Variants in TMEM134 observed in about 807,000 individuals in gnomAD.
TMEM134 encodes the protein transmembrane protein 134.
Under a neutral mutation model 26.2 loss-of-function variants are expected in TMEM134, and 36 were observed. That is an observed-to-expected ratio of 1.37 (90% CI 1.05 to 1.81). TMEM134 has a LOEUF of 1.81. Among genes scored for constraint, TMEM134 ranks in the 40% most tolerant of loss-of-function variants. The pLI, the probability that TMEM134 is intolerant of heterozygous loss-of-function variation, is 0.00. For synonymous variants in TMEM134, 133 were observed against 113.6 expected (o/e 1.17, Z -1.08); for missense variants, 339 against 263.5 (o/e 1.29, Z -1.98).
chr11:67,463,739 C>CA lies in TMEM134; in HGVS notation c.*874dup. On this transcript the variant is annotated 3_prime_UTR_variant, in exon 7 of 7. Coordinates refer to ENST00000308022, the MANE Select transcript of TMEM134 (RefSeq NM_025124.4). ...TGATAACTGGTAGCTACTATGATCT[C>CA]AGATTTCAGGTTTCTCAAAGATTCT... The CA allele has an allele frequency of 6.6e-6, 1 of 152,288 alleles. No individual in the cohort carries two copies. Among genetic ancestry groups the CA allele is most frequent in the African/African-American group, 2.4e-5 (1 of 41,542 alleles). 9.4% of individuals were successfully genotyped at this position (152,288 alleles called of 1,614,324 possible).
At position 67,463,146 on chromosome 11, in the gene TMEM134, G is replaced by A. The variant is rs1286099835; in HGVS notation, c.*1468C>T. ...TGGGGGATGAGGGTGGGAAGTCTGC[G>A]GGGCCTGGAAAGGTGGGAGCGAGAG... On this transcript the variant is annotated 3_prime_UTR_variant, in exon 7 of 7. Transcript: ENST00000308022. 1 of 152,158 alleles carries A rather than the reference G, an allele frequency of 6.6e-6. No homozygotes were observed. Among genetic ancestry groups the A allele is most frequent in the African/African-American group, 2.4e-5 (1 of 41,408 alleles). The allele number at this position is 152,158 out of a possible 1,614,324, so 9.4% of individuals were successfully genotyped here. A position where few individuals can be genotyped will look rare whatever the true frequency, so the allele number is the denominator to read the frequency against.
At chr11:67,465,861 A>G (rs1324463281) in intron 4 of TMEM134, 5 of 152,354 alleles carry the variant, frequency 3.3e-5, no homozygotes, top group South Asian at 2.1e-4. Flanking sequence ...ACTTGAGTTC[A>G]GGAGTTCAAG....
chr11:67,462,414 C>G lies in TMEM134; in HGVS notation c.*2200G>C, dbSNP rs1281187700. The G allele has an allele frequency of 6.8e-6, 1 of 147,512 alleles. No homozygotes were observed. Among genetic ancestry groups the G allele is most frequent in the Non-Finnish European group, 1.5e-5 (1 of 67,122 alleles). 9.1% of individuals were successfully genotyped at this position (147,512 alleles called of 1,614,324 possible). A position where few individuals can be genotyped will look rare whatever the true frequency, so the allele number is the denominator to read the frequency against. ...TGTCGCTCAGGCTGGAGTGTAGTGG[C>G]GTGATCTCGGCTCACTGCAACCTCT... On this transcript the variant is annotated 3_prime_UTR_variant, in exon 7 of 7. Coordinates refer to ENST00000308022, the MANE Select transcript of TMEM134 (RefSeq NM_025124.4).
At chr11:67,468,899 G>A (rs1386204893) in intron 1 of TMEM134, 120 bp downstream of exon 1, 2 of 1,000,796 alleles carry the variant, frequency 2.0e-6, no homozygotes, top group Non-Finnish European at 2.7e-6. Flanking sequence ...GGGCGGGGGG[G>A]CGGTCTCGCG....
intron 4 of TMEM134, chr11:67,466,724 AC>A (rs1050485797): frequency 6.3e-6 from 1 of 159,730 alleles, no homozygotes; most frequent in African/African-American, 2.4e-5. Context: ...TGCCTCCTCT[AC>A]CCCAAAGAAC....
At position 67,464,659 on chromosome 11, in the gene TMEM134, G is replaced by A. The variant is rs1591012712; in HGVS notation, c.543C>T (p.Gly181=). Residue 181 remains glycine, a synonymous_variant, in exon 7 of 7, where the codon GGC becomes GGT. Coordinates refer to ENST00000308022, the MANE Select transcript of TMEM134 (RefSeq NM_025124.4). ...HVIFIYCAVK[G]HRGFQFFYLP... is the part of the protein sequence containing the mutation. ...GGTAGAAGAACTGGAAGCCCCGGTGGCCCTTGACCGCGCAGTAGATGAAGA... is the reference window on the plus strand; with the variant it reads ...GGTAGAAGAACTGGAAGCCCCGGTGACCCTTGACCGCGCAGTAGATGAAGA... 3.2e-6 allele frequency: 5 copies of A among 1,553,936 alleles called. No individual in the cohort carries two copies. Among genetic ancestry groups the A allele is most frequent in the Non-Finnish European group, 1.7e-6 (2 of 1,148,178 alleles).
At chr11:67,467,472 C>G in intron 3 of TMEM134, 29 bp downstream of exon 3, 1 of 1,612,960 alleles carries the variant, frequency 6.2e-7, no homozygotes, top group Non-Finnish European at 8.5e-7. Context: ...CAGGGCTGCT[C>G]GGCTGGGGGC....
In TMEM134 at chr11:67,469,176, G is replaced by C; in HGVS notation, c.17C>G (p.Pro6Arg). The change falls in exon 1 of 7, where the codon CCC becomes CGC. Residue 6 changes from proline (P) to arginine (R), a missense_variant. Pro to Arg is a moderately radical substitution (Grantham distance 103). Coordinates refer to ENST00000308022, the MANE Select transcript of TMEM134 (RefSeq NM_025124.4). MSAAR[P>R]QFSIDDAFEL... Reference sequence around the variant, plus strand: ...GAAGGCATCATCAATGCTGAACTGGGGCCGGGCGGCGCTCATGGCCCCGGC... The same window carrying C: ...GAAGGCATCATCAATGCTGAACTGGCGCCGGGCGGCGCTCATGGCCCCGGC... 1 of 1,361,088 alleles carries C rather than the reference G, an allele frequency of 7.3e-7. No homozygotes were observed. The highest frequency in any genetic ancestry group is 1.5e-5 in the African/African-American group (1 of 65,890). 84.3% of individuals were successfully genotyped at this position (1,361,088 alleles called of 1,614,324 possible).
chr11:67,469,225 G>T lies in TMEM134; in HGVS notation c.-33C>A, dbSNP rs1026718722. 4.9e-5 allele frequency: 61 copies of T among 1,251,838 alleles called. No homozygotes were observed. The highest frequency in any genetic ancestry group is 9.5e-5 in the East Asian group (3 of 31,594). 77.5% of individuals were successfully genotyped at this position (1,251,838 alleles called of 1,614,324 possible). A position where few individuals can be genotyped will look rare whatever the true frequency, so the allele number is the denominator to read the frequency against. The stretch of plus-strand genomic sequence containing the variant: ...GCCCGCTCAGGCGCCGTGCGCCGCC[G>T]CCATCTGCGCCCACACACCCAGCGT... On this transcript the variant is annotated 5_prime_UTR_variant, in exon 1 of 7. Transcript: ENST00000308022.
Position 67,464,447 on chromosome 11 carries a change from G to A in TMEM134, c.*167C>T, listed in dbSNP as rs1865106548. 4 of 671,098 alleles carry A rather than the reference G, an allele frequency of 6.0e-6. No homozygotes were observed. Among genetic ancestry groups the A allele is most frequent in the South Asian group, 1.8e-5 (1 of 55,438 alleles). The allele number at this position is 671,098 out of a possible 1,614,324, so 41.6% of individuals were successfully genotyped here. ...TAAGTTAAGGCACAGAGCAGGCGAC[G>A]GGCGGCTTTCCCAGGGCCAGGCCTG... On this transcript the variant is annotated 3_prime_UTR_variant, in exon 7 of 7. Coordinates refer to ENST00000308022, the MANE Select transcript of TMEM134 (RefSeq NM_025124.4).
rs1365381782 is a variant in TMEM134, at chr11:67,463,962, C to G, written c.*652G>C. On this transcript the variant is annotated 3_prime_UTR_variant, in exon 7 of 7. Coordinates refer to ENST00000308022, the MANE Select transcript of TMEM134 (RefSeq NM_025124.4). ...TGGGTGGAGGGGGCTGGGCCATTGC[C>G]TTGACATGGCCCACATTCAGGGCTG... 6.4e-6 allele frequency: 1 copy of G among 155,198 alleles called. No individual in the cohort carries two copies. Among genetic ancestry groups the G allele is most frequent in the Admixed American group, 6.3e-5 (1 of 15,858 alleles). 9.6% of individuals were successfully genotyped at this position (155,198 alleles called of 1,614,324 possible). A position where few individuals can be genotyped will look rare whatever the true frequency, so the allele number is the denominator to read the frequency against.
At chr11:67,465,134 G>A (rs1223464583) in intron 4 of TMEM134, 34 bp from the exon 5 acceptor site, 1 of 1,555,706 alleles carries the variant, frequency 6.4e-7, no homozygotes, top group Non-Finnish European at 8.6e-7. Context: ...GGTGGGGGCA[G>A]GAGCAGTGGT....
intron 4 of TMEM134, among the ~76,000 whole-genome samples, chr11:67,465,654 G>C (rs1865204373): frequency 6.6e-6 from 1 of 152,142 alleles, no homozygotes; most frequent in Non-Finnish European, 1.5e-5. Context: ...GGCCAGGTGT[G>C]GTGGCTCATG....
Position 67,467,381 on chromosome 11 carries a change from G to C in TMEM134, c.337C>G (p.Gln113Glu). The change falls in exon 4 of 7, where the codon CAA becomes GAA. Residue 113 changes from glutamine (Q) to glutamate (E), a missense_variant. By Grantham distance (29) the Gln-to-Glu change is conservative (BLOSUM62 2). Coordinates refer to ENST00000308022, the MANE Select transcript of TMEM134 (RefSeq NM_025124.4). ...RSYNTCCSWT[Q>E]HPLIQKNRRV... ...CGGTTCTTCTGGATCAAAGGGTGTT[G>C]GGTCCAGCTGGGTGGCAGGAGAGCA... 1 of 1,613,918 alleles carries C rather than the reference G, an allele frequency of 6.2e-7. No homozygotes were observed. The highest frequency in any genetic ancestry group is 8.5e-7 in the Non-Finnish European group (1 of 1,179,910).
intron 1 of TMEM134, 32 bp downstream of exon 1, chr11:67,468,987 G>A: frequency 6.9e-7 from 1 of 1,452,246 alleles, no homozygotes; most frequent in Non-Finnish European, 9.1e-7. Flanking sequence ...GTCCGGCCGG[G>A]GGCAGGGGGT....
intron 4 of TMEM134, 43 bp from the exon 5 acceptor site, chr11:67,465,143 G>C: frequency 2.6e-6 from 4 of 1,544,464 alleles, no homozygotes; most frequent in African/African-American, 1.4e-5. Context: ...AGGAGCAGTG[G>C]TGAGGGCGGG....
rs1565174933 is a variant in TMEM134 at position 67,469,172 on chromosome 11, C to T, written c.21G>A (p.Gln7=). MSAARP[Q]FSIDDAFELS... ...GCTCGAAGGCATCATCAATGCTGAACTGGGGCCGGGCGGCGCTCATGGCCC... is the reference window on the plus strand; with the variant it reads ...GCTCGAAGGCATCATCAATGCTGAATTGGGGCCGGGCGGCGCTCATGGCCC... Residue 7 remains glutamine (Q), a synonymous_variant, in exon 1 of 7, where the codon CAG becomes CAA. Transcript: ENST00000308022. 2 of 1,373,592 alleles carry T rather than the reference C, an allele frequency of 1.5e-6. No individual in the cohort carries two copies. The highest frequency in any genetic ancestry group is 1.6e-5 in the South Asian group (1 of 63,086). The allele number at this position is 1,373,592 out of a possible 1,614,324, so 85.1% of individuals were successfully genotyped here.
chr11:67,465,115 A>AG lies in TMEM134; in HGVS notation c.407-16dup. The AG allele has an allele frequency of 6.4e-7, 1 of 1,571,230 alleles. No homozygotes were observed. Among genetic ancestry groups the AG allele is most frequent in the Admixed American group, 1.8e-5 (1 of 54,054 alleles). ...CAGGATCAGCACTGCACACAGACGG[A>AG]GCCGCGGGGGTGGGGGCAGGAGCAG... On this transcript the variant is annotated splice_polypyrimidine_tract_variant and intron_variant, in intron 4 of 6. Coordinates refer to ENST00000308022, the MANE Select transcript of TMEM134 (RefSeq NM_025124.4).
Position 67,463,885 on chromosome 11 carries a change from A to C in TMEM134, c.*729T>G, listed in dbSNP as rs1336351135. 6.6e-6 allele frequency: 1 copy of C among 152,524 alleles called. No homozygotes were observed. The highest frequency in any genetic ancestry group is 1.5e-5 in the Non-Finnish European group (1 of 68,250). 9.4% of individuals were successfully genotyped at this position (152,524 alleles called of 1,614,324 possible). ...GGGTGTCTGTCAGGCGCGGCTTCCT[A>C]TGCCCTCTGCCCCCAGGTTCTCCCA... is the stretch of plus-strand genomic sequence containing the variant. On this transcript the variant is annotated 3_prime_UTR_variant, in exon 7 of 7. Coordinates refer to ENST00000308022, the MANE Select transcript of TMEM134 (RefSeq NM_025124.4).
Sources: allele counts gnomAD v4.1 joint callset (sites outside exome capture counted in the v4.1 genomes callset), GRCh38; gene constraint gnomAD v4.1.1; transcripts MANE v1.5; gene names NCBI Gene and HGNC (gene_info 2026-07-23, HGNC 2026-07-21).